GRM3: variants seen among roughly 807,000 people sequenced by gnomAD.
GRM3 encodes the protein glutamate metabotropic receptor 3, also known as metabotropic glutamate receptor 3.
A neutral mutation model predicts 70.5 loss-of-function variants in GRM3; 26 were observed. The observed-to-expected ratio is 0.37, with a 90% CI of 0.27 to 0.51. The LOEUF (loss-of-function observed/expected upper bound fraction) is 0.51, where lower values mean the gene tolerates loss of function less well. Ranked by LOEUF, GRM3 falls within the 20% of genes least tolerant of loss-of-function variation. The pLI is 0.93. For synonymous variants in GRM3, 443 were observed against 434.9 expected, an observed-to-expected ratio of 1.02 and a Z score of -0.23; for missense variants, 859 against 1,123.8, an observed-to-expected ratio of 0.76 and a Z score of 3.37.
chr7:86,704,009 A>G (rs1040977331), intron 1 of GRM3, among the ~76,000 whole-genome samples: 1 of 151,892 alleles, frequency 6.6e-6, no homozygotes, highest in African/African-American at 2.4e-5. Flanking sequence ...CCATTATTTT[A>G]TCTCTTTCTG....
chr7:86,757,962 T>C (rs572291817), intron 1 of GRM3, among the ~76,000 whole-genome samples: 8 of 152,266 alleles, frequency 5.3e-5, no homozygotes, highest in African/African-American at 1.4e-4. Flanking sequence ...TGTAAAGACA[T>C]GTGTGACATA....
At chr7:86,743,479 T>A (rs555861667) in intron 1 of GRM3, among the ~76,000 whole-genome samples, 1 of 152,230 alleles carries the variant, frequency 6.6e-6, no homozygotes, top group South Asian at 2.1e-4. Flanking sequence ...AAAACATTTA[T>A]CTATAAGGGT....
chr7:86,771,663 A>G (rs1005973032), intron 2 of GRM3, among the ~76,000 whole-genome samples: 1 of 152,100 alleles, frequency 6.6e-6, no homozygotes, highest in African/African-American at 2.4e-5. Flanking sequence ...CAAGCTTCTG[A>G]GGGATATAGA....
At chr7:86,723,925 A>C (rs1477002767) in intron 1 of GRM3, among the ~76,000 whole-genome samples, 3 of 152,282 alleles carry the variant, frequency 2.0e-5, no homozygotes, top group East Asian at 1.9e-4. Flanking sequence ...GTAGTAACGA[A>C]TGCATTTCAA....
At position 86,802,394 on chromosome 7, in the gene GRM3, T is replaced by C. The variant is rs533563400; in HGVS notation, c.1324+15278T>C. Among the ~76,000 whole-genome samples, 15 of 152,300 alleles carry C rather than the reference T, an allele frequency of 9.8e-5. No individual in the cohort carries two copies. In the East Asian group the frequency reaches 2.9e-3, roughly 29 times the overall value. On this transcript the variant is annotated intron_variant, in intron 3 of 5. Transcript: ENST00000361669. ...CATTCACAGTAATAATAAAATATTG[T>C]TTCCAAATCTGAATAATATAAGAAG...
intron 1 of GRM3, among the ~76,000 whole-genome samples, chr7:86,716,408 C>A (rs978332970): frequency 6.6e-6 from 1 of 151,834 alleles, no homozygotes; most frequent in African/African-American, 2.4e-5. Context: ...TTGGATTTAT[C>A]GTCAGAAAAC....
At position 86,850,412 on chromosome 7, in the gene GRM3, T is replaced by C; in HGVS notation, c.2434T>C (p.Phe812Leu). Reference sequence around the variant, plus strand: ...GTGCATCTCTGTCAGCCTGAGTGGCTTTGTGGTCTTGGGCTGTTTGTTTGC... The same window carrying C: ...GTGCATCTCTGTCAGCCTGAGTGGCCTTGTGGTCTTGGGCTGTTTGTTTGC... ...TMCISVSLSGFVVLGCLFAPK... is the reference protein window; with the variant it reads ...TMCISVSLSGLVVLGCLFAPK... Residue 812 changes from phenylalanine (F) to leucine (L), a missense_variant, in exon 5 of 6, where the codon TTT (phenylalanine) becomes CTT (leucine). Transcript: ENST00000361669. 2 of 1,613,192 alleles carry C rather than the reference T, an allele frequency of 1.2e-6. No individual in the cohort carries two copies. Among genetic ancestry groups the C allele is most frequent in the Non-Finnish European group, 8.5e-7 (1 of 1,179,350 alleles).
intron 2 of GRM3, among the ~76,000 whole-genome samples, chr7:86,781,724 T>C (rs911058949): frequency 1.1e-4 from 17 of 152,324 alleles, no homozygotes; most frequent in African/African-American, 4.1e-4. Context: ...AAAGATCTTA[T>C]TGCTTATTTA....
intron 1 of GRM3, among the ~76,000 whole-genome samples, chr7:86,753,272 T>C (rs1444752360): frequency 1.3e-5 from 2 of 152,128 alleles, no homozygotes; most frequent in Non-Finnish European, 2.9e-5. Flanking sequence ...ATGTTATGTT[T>C]TGTTTCATTT....
At chr7:86,821,885 G>A (rs993934943) in intron 3 of GRM3, among the ~76,000 whole-genome samples, 1 of 150,846 alleles carries the variant, frequency 6.6e-6, no homozygotes, top group African/African-American at 2.4e-5. Context: ...TAATTAGTGG[G>A]ATTTTTCCCC....
At chr7:86,780,121 C>T (rs1056872804) in intron 2 of GRM3, among the ~76,000 whole-genome samples, 9 of 152,110 alleles carry the variant, frequency 5.9e-5, no homozygotes, top group African/African-American at 2.2e-4. Flanking sequence ...TCCAGTCTAT[C>T]ATTGTTGGAC....
rs541441741 is a variant in GRM3 at position 86,712,324 on chromosome 7, T to C, written c.-140-52682T>C. Among the ~76,000 whole-genome samples, 35 of 152,198 alleles carry C rather than the reference T, an allele frequency of 2.3e-4. No homozygotes were observed. In the South Asian group the frequency reaches 6.8e-3, roughly 30 times the overall value. On this transcript the variant is annotated intron_variant, in intron 1 of 5. Coordinates refer to ENST00000361669, the MANE Select transcript of GRM3 (RefSeq NM_000840.3). ...TTCCTAAAACTCCTTTAGCGTTATG[T>C]CACTTCATCACTCCTCTATTTAAAA...
chr7:86,835,012 T>A (rs1798427593), intron 3 of GRM3, among the ~76,000 whole-genome samples: 2 of 152,128 alleles, frequency 1.3e-5, no homozygotes, highest in East Asian at 1.9e-4. Context: ...AATATAGTAA[T>A]AATGTTTCAA....
intron 1 of GRM3, among the ~76,000 whole-genome samples, chr7:86,685,436 C>A (rs1305797740): frequency 2.0e-5 from 3 of 152,144 alleles, no homozygotes; most frequent in Non-Finnish European, 2.9e-5. Flanking sequence ...TAGTGAGAAC[C>A]TGAAACAAGC....
At chr7:86,722,188 G>A (rs1795482755) in intron 1 of GRM3, among the ~76,000 whole-genome samples, 1 of 151,858 alleles carries the variant, frequency 6.6e-6, no homozygotes, top group South Asian at 2.1e-4. Flanking sequence ...TATATCTTGG[G>A]TTATTCTCAG....
chr7:86,843,785 G>C (rs2116751064), intron 4 of GRM3, among the ~76,000 whole-genome samples: 1 of 152,274 alleles, frequency 6.6e-6, no homozygotes, highest in South Asian at 2.1e-4. Flanking sequence ...TGAAGATGGA[G>C]ATGGAGCATA....
intron 1 of GRM3, among the ~76,000 whole-genome samples, chr7:86,730,422 A>G (rs1795704579): frequency 1.3e-5 from 2 of 152,250 alleles, no homozygotes; most frequent in Non-Finnish European, 2.9e-5. Flanking sequence ...CTCTGTCTCA[A>G]AAACAAAAGG....
At chr7:86,815,477 C>T (rs1028096953) in intron 3 of GRM3, among the ~76,000 whole-genome samples, 3 of 151,838 alleles carry the variant, frequency 2.0e-5, no homozygotes, top group South Asian at 2.1e-4. Flanking sequence ...TACCATTCCC[C>T]CAACTTATAC....
At chr7:86,682,981 C>G (rs1794477206) in intron 1 of GRM3, among the ~76,000 whole-genome samples, 1 of 151,850 alleles carries the variant, frequency 6.6e-6, no homozygotes, top group African/African-American at 2.4e-5. Context: ...AATTAAGAGC[C>G]AAGATATTGA....
Sources: gnomAD v4.1 joint callset for allele counts (sites outside exome capture counted in the v4.1 genomes callset) on GRCh38, gnomAD v4.1.1 for gene constraint, MANE v1.5 for transcripts, NCBI Gene and HGNC (gene_info 2026-07-23, HGNC 2026-07-21) for gene names.